The following CERS6 variants were observed in gnomAD, a reference collection of about 807,000 sequenced individuals.
CERS6 encodes the protein LAG1 homolog, ceramide synthase 6.
A neutral mutation model predicts 56.8 loss-of-function variants in CERS6; 26 were observed. That is an observed-to-expected ratio of 0.46 (90% CI 0.34 to 0.63). CERS6 has a LOEUF of 0.63. Among genes scored for constraint, CERS6 ranks in the 30% least tolerant of loss-of-function variants. The probability of loss-of-function intolerance (pLI) is 0.01; values close to 1 mark genes in which losing one functional copy is unlikely to be tolerated. For missense variants in CERS6, 415 were observed against 467.5 expected (o/e 0.89, Z 1.04); for synonymous variants, 164 against 173.3 (o/e 0.95, Z 0.42).
intron 3 of CERS6, among the ~76,000 whole-genome samples, chr2:168,597,623 G>C (rs1303136452): frequency 3.9e-5 from 6 of 152,096 alleles, no homozygotes; most frequent in Admixed American, 3.9e-4. Flanking sequence ...TTAGCTATAA[G>C]ACACATCCTC....
chr2:168,489,059 G>A (rs769657943), intron 1 of CERS6, among the ~76,000 whole-genome samples: 2 of 152,072 alleles, frequency 1.3e-5, no homozygotes, highest in African/African-American at 2.4e-5. Flanking sequence ...CCTGAAGCAC[G>A]CTCCTTAGCT....
chr2:168,705,264 T>G (rs1466148008), intron 6 of CERS6, among the ~76,000 whole-genome samples: 1 of 152,034 alleles, frequency 6.6e-6, no homozygotes, highest in Non-Finnish European at 1.5e-5. Flanking sequence ...CTTTGGCACA[T>G]GAGAATTAGG....
At chr2:168,527,432 G>GGGTTTAT (rs1346049416) in intron 1 of CERS6, among the ~76,000 whole-genome samples, 1 of 152,104 alleles carries the variant, frequency 6.6e-6, no homozygotes, top group African/African-American at 2.4e-5. Flanking sequence ...TACATTCTGT[G>GGGTTTAT]GGTTTATGCA....
chr2:168,737,031 T>G (rs1683735584), intron 8 of CERS6, among the ~76,000 whole-genome samples: 2 of 152,244 alleles, frequency 1.3e-5, no homozygotes, highest in Non-Finnish European at 2.9e-5. Context: ...TACCATCTCT[T>G]TCTCTCCACC....
intron 3 of CERS6, among the ~76,000 whole-genome samples, chr2:168,626,650 C>T (rs1321934741): frequency 6.6e-6 from 1 of 152,180 alleles, no homozygotes; most frequent in African/African-American, 2.4e-5. Context: ...AAGCAGGGTG[C>T]TCTAATTCTG....
intron 1 of CERS6, among the ~76,000 whole-genome samples, chr2:168,504,529 G>T (rs1694641525): frequency 6.6e-6 from 1 of 152,148 alleles, no homozygotes; most frequent in Admixed American, 6.5e-5. Flanking sequence ...GCCTTTCCAC[G>T]TGAAGGCAAA....
intron 3 of CERS6, among the ~76,000 whole-genome samples, chr2:168,619,136 G>A (rs184096438): frequency 1.1e-4 from 17 of 152,284 alleles, no homozygotes; most frequent in Admixed American, 1.0e-3. Flanking sequence ...TCAACAAATA[G>A]TGCTGGGATA....
chr2:168,674,471 C>T (rs1336985087), intron 4 of CERS6, among the ~76,000 whole-genome samples: 1 of 152,182 alleles, frequency 6.6e-6, no homozygotes, highest in Non-Finnish European at 1.5e-5. Flanking sequence ...TGGCTTTTGG[C>T]TAGGAAGTTT....
intron 4 of CERS6, among the ~76,000 whole-genome samples, chr2:168,667,660 CATT>C (rs1685798648): frequency 6.6e-6 from 1 of 152,080 alleles, no homozygotes; most frequent in South Asian, 2.1e-4. Flanking sequence ...TCGGAGTCAT[CATT>C]GATTCCTTTC....
chr2:168,479,669 C>T (rs1316402901), intron 1 of CERS6, among the ~76,000 whole-genome samples: 3 of 152,142 alleles, frequency 2.0e-5, no homozygotes, highest in East Asian at 1.9e-4. Flanking sequence ...AGTGCAATGG[C>T]GCGATCTCGG....
At chr2:168,569,543 G>A (rs1258196288) in intron 3 of CERS6, among the ~76,000 whole-genome samples, 3 of 152,244 alleles carry the variant, frequency 2.0e-5, no homozygotes, top group South Asian at 2.1e-4. Context: ...GTGCACACGC[G>A]TGTGTGCATA....
intron 4 of CERS6, among the ~76,000 whole-genome samples, chr2:168,664,063 C>T (rs995397318): frequency 2.6e-5 from 4 of 152,190 alleles, no homozygotes; most frequent in Admixed American, 6.5e-5. Flanking sequence ...CATTGTGTTT[C>T]GCCCTTCTGA....
intron 4 of CERS6, among the ~76,000 whole-genome samples, chr2:168,652,694 A>G (rs1685375164): frequency 6.6e-6 from 1 of 152,160 alleles, no homozygotes; most frequent in African/African-American, 2.4e-5. Flanking sequence ...AATAAGAGAC[A>G]AGAATAAACC....
At chr2:168,529,296 G>C (rs1421182399) in intron 1 of CERS6, among the ~76,000 whole-genome samples, 3 of 152,128 alleles carry the variant, frequency 2.0e-5, no homozygotes, top group Admixed American at 6.5e-5. Context: ...GATTCTTCTG[G>C]GGGGAGTTTT....
chr2:168,694,930 A>G (rs1328180648), intron 5 of CERS6, 29 bp from the exon 6 acceptor site: 1 of 1,570,388 alleles, frequency 6.4e-7, no homozygotes, highest in Non-Finnish European at 8.8e-7. Flanking sequence ...TTAACTACTA[A>G]TCATTCCTTT....
In CERS6 at chr2:168,584,982, A is replaced by G. The variant is rs892693691; in HGVS notation, c.407+23660A>G. ...GAGCTCTCATTGAAAGAGATGGCAG[A>G]AAGAGTTAGCAGGATTTCATCTCCT... On this transcript the variant is annotated intron_variant, in intron 3 of 9. Transcript: ENST00000305747. Among the ~76,000 whole-genome samples the G allele has an allele frequency of 2.6e-5, 4 of 152,268 alleles. No individual in the cohort carries two copies. In the South Asian group the frequency reaches 8.3e-4, roughly 31 times the overall value.
At chr2:168,712,266 G>C (rs1230359568) in intron 6 of CERS6, among the ~76,000 whole-genome samples, 1 of 152,180 alleles carries the variant, frequency 6.6e-6, no homozygotes, top group African/African-American at 2.4e-5. Context: ...TTGTAAACCA[G>C]ATGTTCAGCT....
intron 6 of CERS6, among the ~76,000 whole-genome samples, chr2:168,699,928 T>C (rs1048284948): frequency 3.9e-5 from 6 of 152,254 alleles, no homozygotes; most frequent in African/African-American, 1.4e-4. Flanking sequence ...TCAGAACAGC[T>C]TGCTTATGTC....
In CERS6 at chr2:168,647,220, A is replaced by C. The variant is rs911425379; in HGVS notation, c.465+16178A>C. ...TGATTTCTTTGAGCAATGTTTTCTA[A>C]TTATGATTGTAGAGATCTTTTACCT... On this transcript the variant is annotated intron_variant, in intron 4 of 9. Coordinates refer to ENST00000305747, the MANE Select transcript of CERS6 (RefSeq NM_203463.3). 1.1e-4 allele frequency among the ~76,000 whole-genome samples: 17 copies of C among 151,964 alleles called. 2 individuals carry two copies. The South Asian group carries it at 1.9e-3, about 17-fold the overall frequency.
Sources: gnomAD v4.1 joint callset for allele counts (sites outside exome capture counted in the v4.1 genomes callset) on GRCh38, gnomAD v4.1.1 for gene constraint, MANE v1.5 for transcripts, NCBI Gene and HGNC (gene_info 2026-07-23, HGNC 2026-07-21) for gene names.